The following OSBP2 variants were observed in gnomAD, a reference collection of about 807,000 sequenced individuals.
The protein encoded by OSBP2 is oxysterol-binding protein 2.
OSBP2 carries 66 observed loss-of-function variants against 96.0 expected under a neutral mutation model. The ratio of observed to expected loss-of-function variants is 0.69; its 90% CI spans 0.56 to 0.84. The LOEUF (loss-of-function observed/expected upper bound fraction) is 0.84, where lower values mean the gene tolerates loss of function less well. OSBP2 is among the 40% of genes least tolerant of loss of function. The pLI, the probability that OSBP2 is intolerant of heterozygous loss-of-function variation, is 0.00. For missense variants in OSBP2, 1,038 were observed against 1,222.7 expected (o/e 0.85, Z 2.25); for synonymous variants, 525 against 520.9 (o/e 1.01, Z -0.11).
At chr22:30,788,261 G>A (rs2090623606) in intron 2 of OSBP2, among the ~76,000 whole-genome samples, 1 of 152,086 alleles carries the variant, frequency 6.6e-6, no homozygotes, top group Admixed American at 6.6e-5. Flanking sequence ...GAAGAGGACG[G>A]GAGTGCTACC....
chr22:30,818,002 C>A (rs1310491479), intron 2 of OSBP2, among the ~76,000 whole-genome samples: 1 of 152,072 alleles, frequency 6.6e-6, no homozygotes, highest in Non-Finnish European at 1.5e-5. Flanking sequence ...GTCAAGCAAT[C>A]CTCCCACCTC....
At chr22:30,900,198 G>A (rs1270524248) in intron 12 of OSBP2, among the ~76,000 whole-genome samples, 1 of 151,256 alleles carries the variant, frequency 6.6e-6, no homozygotes, top group Non-Finnish European at 1.5e-5. Flanking sequence ...AGGTTGTGGT[G>A]AGCCAAGATC....
At chr22:30,759,300 A>G (rs940334803) in intron 2 of OSBP2, among the ~76,000 whole-genome samples, 2 of 152,200 alleles carry the variant, frequency 1.3e-5, no homozygotes, top group Non-Finnish European at 2.9e-5. Flanking sequence ...GTGAGCCGAG[A>G]TTGCACCACT....
chr22:30,889,579 C>T lies in OSBP2; in HGVS notation c.1566C>T (p.Asn522=), dbSNP rs1054322662. ...CCAACAAGCCCAACTACAGCCTTAA[C>T]CTCTGGAGCATCATGAAGAACTGCA... ...RIPNKPNYSL[N]LWSIMKNCIG... The change falls in exon 7 of 14, where the codon AAC becomes AAT. Residue 522 remains asparagine, a synonymous_variant. Coordinates refer to ENST00000332585, the MANE Select transcript of OSBP2 (RefSeq NM_030758.4). The T allele has an allele frequency of 1.2e-6, 2 of 1,614,088 alleles. No individual in the cohort carries two copies. The highest frequency in any genetic ancestry group is 1.3e-5 in the African/African-American group (1 of 75,032).
chr22:30,798,972 C>T (rs2090806105), intron 2 of OSBP2, among the ~76,000 whole-genome samples: 1 of 151,058 alleles, frequency 6.6e-6, no homozygotes. Context: ...TGAGATTGTG[C>T]CATTGCACTC....
At chr22:30,808,748 A>T (rs1396894668) in intron 2 of OSBP2, among the ~76,000 whole-genome samples, 1 of 152,096 alleles carries the variant, frequency 6.6e-6, no homozygotes, top group Non-Finnish European at 1.5e-5. Context: ...AGGTCAGGAG[A>T]TCGAGACCAT....
intron 1 of OSBP2, among the ~76,000 whole-genome samples, chr22:30,732,041 T>C (rs1363479055): frequency 1.3e-5 from 2 of 152,168 alleles, no homozygotes; most frequent in African/African-American, 2.4e-5. Flanking sequence ...CAGTGGCTCA[T>C]GCCTGTAATC....
intron 2 of OSBP2, chr22:30,844,627 G>A (rs1434886473): frequency 1.3e-5 from 2 of 152,066 alleles, no homozygotes; most frequent in African/African-American, 4.8e-5. Context: ...ATTGGCTTAA[G>A]GGAATGTCAT....
intron 2 of OSBP2, among the ~76,000 whole-genome samples, chr22:30,804,399 G>A (rs150848653): frequency 0.014 from 2,142 of 152,310 alleles, 25 homozygotes; most frequent in Middle Eastern, 0.044. Context: ...TAAGCTGTGC[G>A]CATCAGAAAT....
intron 2 of OSBP2, among the ~76,000 whole-genome samples, chr22:30,752,504 A>G (rs1261732336): frequency 6.6e-6 from 1 of 151,456 alleles, no homozygotes; most frequent in Non-Finnish European, 1.5e-5. Context: ...GTTACCCAGG[A>G]TGGTCTCGAT....
chr22:30,800,790 T>A (rs1015044073), intron 2 of OSBP2, among the ~76,000 whole-genome samples: 4 of 152,240 alleles, frequency 2.6e-5, no homozygotes, highest in African/African-American at 9.6e-5. Flanking sequence ...AACTGTGATT[T>A]AAAATCTTGC....
chr22:30,720,039 C>A (rs1238832357), intron 1 of OSBP2, among the ~76,000 whole-genome samples: 1 of 152,130 alleles, frequency 6.6e-6, no homozygotes, highest in Non-Finnish European at 1.5e-5. Flanking sequence ...TTAGAAAATC[C>A]TTCTGTTGAG....
intron 2 of OSBP2, among the ~76,000 whole-genome samples, chr22:30,754,788 C>T (rs1029216811): frequency 6.6e-6 from 1 of 152,164 alleles, no homozygotes; most frequent in African/African-American, 2.4e-5. Flanking sequence ...TGTGCTGGGG[C>T]AGGGGTTGAC....
Position 30,870,429 on chromosome 22 carries a change from A to G in OSBP2, c.854A>G (p.Asp285Gly). The change falls in exon 3 of 14, where the codon GAT becomes GGT. Residue 285 changes from aspartate to glycine, a missense_variant and splice_region_variant. This residue lies in a region of OSBP2 where 737 missense variants were observed against 913.3 expected (regional missense o/e 0.81). Transcript: ENST00000332585. The surrounding 1 kb of genome is among the most constrained non-coding windows in gnomAD (Gnocchi z 4.1). ...GTAACAACTCTATTTTCTTCCACAG[A>G]TGACTCTGGGGACGACGACGAGGCT... ...KAVRVMNTHS[D>G]DSGDDDEATT... 2 of 1,613,686 alleles carry G rather than the reference A, an allele frequency of 1.2e-6. No individual in the cohort carries two copies. Among genetic ancestry groups the G allele is most frequent in the South Asian group, 1.1e-5 (1 of 91,058 alleles).
intron 2 of OSBP2, among the ~76,000 whole-genome samples, chr22:30,800,226 A>G (rs2090830311): frequency 1.3e-5 from 2 of 152,226 alleles, no homozygotes; most frequent in African/African-American, 4.8e-5. Context: ...TCACAAAACC[A>G]GAAGGCAAGA....
In OSBP2 at chr22:30,893,171, G is replaced by A; in HGVS notation, c.1919G>A (p.Gly640Asp). 1 of 1,614,006 alleles carries A rather than the reference G, an allele frequency of 6.2e-7. No individual in the cohort carries two copies. The highest frequency in any genetic ancestry group is 1.1e-5 in the South Asian group (1 of 91,078). The change falls in exon 9 of 14, where the codon GGC (glycine) becomes GAC (aspartate). Residue 640 changes from glycine to aspartate, a missense_variant. Coordinates refer to ENST00000332585, the MANE Select transcript of OSBP2 (RefSeq NM_030758.4). Reference protein sequence around the residue: ...SAAHYVFSKHGWSLWQEITIS... With the variant: ...SAAHYVFSKHDWSLWQEITIS... Reference sequence around the variant, plus strand: ...GCGCACTACGTGTTCTCCAAGCATGGCTGGAGCCTCTGGCAGGAGATCACC... The same window carrying A: ...GCGCACTACGTGTTCTCCAAGCATGACTGGAGCCTCTGGCAGGAGATCACC...
chr22:30,708,352 T>G (rs1041060277), intron 1 of OSBP2, among the ~76,000 whole-genome samples: 1 of 152,152 alleles, frequency 6.6e-6, no homozygotes, highest in African/African-American at 2.4e-5. Context: ...ATTACCTAGT[T>G]TCAACAATTA....
At position 30,870,368 on chromosome 22, in the gene OSBP2, G is replaced by C; in HGVS notation, c.854-61G>C. ...ACCCTGCCCTGCTCGGCCTGGCTGT[G>C]CAGGCCTCTTGGTACCACGTCTGTT... On this transcript the variant is annotated intron_variant, in intron 2 of 13. Transcript: ENST00000332585. This position sits in a 1 kb window ranked among gnomAD's most constrained non-coding sequence, Gnocchi z 4.1. 6.4e-7 allele frequency: 1 copy of C among 1,567,858 alleles called. No homozygotes were observed. Among genetic ancestry groups the C allele is most frequent in the Non-Finnish European group, 8.7e-7 (1 of 1,148,064 alleles).
At chr22:30,847,307 G>T (rs941487739) in intron 2 of OSBP2, among the ~76,000 whole-genome samples, 2 of 151,044 alleles carry the variant, frequency 1.3e-5, no homozygotes, top group African/African-American at 2.4e-5. Flanking sequence ...CCCTGAGAGG[G>T]AGTCTTGCTG....
Sources: gnomAD v4.1 joint callset for allele counts (sites outside exome capture counted in the v4.1 genomes callset) on GRCh38, gnomAD v4.1.1 for gene constraint, gnomAD v4.1.1 regional missense constraint, Gnocchi (gnomAD v3.1) non-coding constraint, MANE v1.5 for transcripts, NCBI Gene and HGNC (gene_info 2026-07-23, HGNC 2026-07-21) for gene names.